The following MGAT4C variants were observed in gnomAD, a reference collection of about 807,000 sequenced individuals.
MGAT4C encodes the protein MGAT4 family member C.
Under a neutral mutation model 40.1 loss-of-function variants are expected in MGAT4C, and 19 were observed. The observed-to-expected ratio is 0.47, with a 90% CI of 0.33 to 0.70. MGAT4C has a LOEUF of 0.70. Ranked by LOEUF, MGAT4C falls within the 30% of genes least tolerant of loss-of-function variation. MGAT4C has a pLI of 0.02. For synonymous variants in MGAT4C, 181 were observed against 187.1 expected, an observed-to-expected ratio of 0.97 and a Z score of 0.27; for missense variants, 491 against 563.2, an observed-to-expected ratio of 0.87 and a Z score of 1.30.
At chr12:86,641,588 A>G in intron 2 of MGAT4C, among the ~76,000 whole-genome samples, 1 of 151,864 alleles carries the variant, frequency 6.6e-6, no homozygotes, top group Non-Finnish European at 1.5e-5. Context: ...CCCTGATAAG[A>G]ATGAATGTGG....
intron 1 of MGAT4C, among the ~76,000 whole-genome samples, chr12:86,770,153 T>C (rs1313354522): frequency 6.6e-6 from 1 of 152,092 alleles, no homozygotes; most frequent in Non-Finnish European, 1.5e-5. Context: ...ACTATTTTTT[T>C]TCATAGAACG....
At chr12:86,828,521 T>C (rs1952853231) in intron 1 of MGAT4C, among the ~76,000 whole-genome samples, 2 of 151,540 alleles carry the variant, frequency 1.3e-5, no homozygotes, top group Middle Eastern at 3.4e-3. Context: ...CATTAGTTGG[T>C]TTTGAAACAC....
At chr12:86,489,450 C>A (rs559697338) in intron 2 of MGAT4C, among the ~76,000 whole-genome samples, 1 of 152,298 alleles carries the variant, frequency 6.6e-6, no homozygotes, top group African/African-American at 2.4e-5. Context: ...GTCACACTAG[C>A]CCTTTCCTCT....
chr12:86,555,705 G>A (rs2136401980), intron 2 of MGAT4C, among the ~76,000 whole-genome samples: 1 of 152,300 alleles, frequency 6.6e-6, no homozygotes, highest in South Asian at 2.1e-4. Flanking sequence ...CATCACAGCT[G>A]TAAATCATAT....
chr12:86,434,102 T>C (rs1322613607), intron 3 of MGAT4C, among the ~76,000 whole-genome samples: 1 of 152,014 alleles, frequency 6.6e-6, no homozygotes, highest in East Asian at 1.9e-4. Context: ...CTGAAAATGA[T>C]TGTATTTAAA....
intron 2 of MGAT4C, among the ~76,000 whole-genome samples, chr12:86,710,359 C>T (rs1950534893): frequency 6.6e-6 from 1 of 152,178 alleles, no homozygotes; most frequent in African/African-American, 2.4e-5. Context: ...GGTTCCACTT[C>T]CAGGGATATG....
chr12:86,683,305 A>G (rs1031749504), intron 2 of MGAT4C, among the ~76,000 whole-genome samples: 1 of 152,170 alleles, frequency 6.6e-6, no homozygotes, highest in African/African-American at 2.4e-5. Flanking sequence ...TCTATAATCT[A>G]TCTTTTTATC....
chr12:86,181,704 G>A (rs540743452), intron 1 of MGAT4C, among the ~76,000 whole-genome samples: 13 of 152,062 alleles, frequency 8.5e-5, no homozygotes, highest in East Asian at 7.7e-4. Flanking sequence ...CAAAGAAATC[G>A]ATTGTGGAAT....
chr12:85,999,040 C>G (rs1886974934), intron 2 of MGAT4C, among the ~76,000 whole-genome samples: 1 of 152,110 alleles, frequency 6.6e-6, no homozygotes, highest in African/African-American at 2.4e-5. Context: ...GGAGTCCTCA[C>G]AAACATGGTG....
intron 1 of MGAT4C, among the ~76,000 whole-genome samples, chr12:86,110,683 TA>T (rs1024080317): frequency 1.3e-4 from 19 of 151,812 alleles, no homozygotes; most frequent in Admixed American, 1.1e-3. Context: ...TTTGTGTTTT[TA>T]ATGTAAAGTA....
At chr12:86,666,009 T>A (rs978654496) in intron 2 of MGAT4C, among the ~76,000 whole-genome samples, 29 of 152,314 alleles carry the variant, frequency 1.9e-4, no homozygotes, top group Admixed American at 4.6e-4. Flanking sequence ...CTACATTTTT[T>A]AAAGGCATAT....
intron 2 of MGAT4C, among the ~76,000 whole-genome samples, chr12:86,581,348 C>G (rs1960771244): frequency 6.6e-6 from 1 of 151,486 alleles, no homozygotes; most frequent in Non-Finnish European, 1.5e-5. Flanking sequence ...CAGCAGCTCA[C>G]TGGCAAGCCA....
At chr12:86,374,862 G>T (rs1381395104) in intron 3 of MGAT4C, among the ~76,000 whole-genome samples, 1 of 152,084 alleles carries the variant, frequency 6.6e-6, no homozygotes, top group African/African-American at 2.4e-5. Context: ...AACCAGTAAG[G>T]CCTGCTTTGC....
intron 2 of MGAT4C, among the ~76,000 whole-genome samples, chr12:86,476,765 A>C (rs562567464): frequency 6.6e-6 from 1 of 152,280 alleles, no homozygotes; most frequent in African/African-American, 2.4e-5. Flanking sequence ...GAAAAAAATT[A>C]TGTCATTTGC....
intron 1 of MGAT4C, among the ~76,000 whole-genome samples, chr12:86,091,608 C>T (rs115661512): frequency 6.6e-6 from 1 of 152,122 alleles, no homozygotes; most frequent in East Asian, 1.9e-4. Flanking sequence ...AAACAGCAAA[C>T]TCAGAGAAAT....
chr12:86,719,065 C>A (rs535435362), intron 2 of MGAT4C, among the ~76,000 whole-genome samples: 3 of 152,168 alleles, frequency 2.0e-5, no homozygotes, highest in Non-Finnish European at 4.4e-5. Context: ...TTCTGTTCTT[C>A]AAGTTAGTCA....
At chr12:86,642,061 G>A (rs1180984134) in intron 2 of MGAT4C, among the ~76,000 whole-genome samples, 1 of 151,762 alleles carries the variant, frequency 6.6e-6, no homozygotes, top group African/African-American at 2.4e-5. Flanking sequence ...GAACGAAATA[G>A]GAATGACAAA....
chr12:86,490,751 G>C (rs1479170626), intron 2 of MGAT4C, among the ~76,000 whole-genome samples: 1 of 152,022 alleles, frequency 6.6e-6, no homozygotes, highest in African/African-American at 2.4e-5. Context: ...AAAAAAGGCA[G>C]GGTTTGCAAT....
intron 2 of MGAT4C, among the ~76,000 whole-genome samples, chr12:86,500,279 A>G (rs1376325109): frequency 6.6e-6 from 1 of 151,868 alleles, no homozygotes; most frequent in Non-Finnish European, 1.5e-5. Context: ...AAAGTAGAAT[A>G]AAGTAAATAA....
Sources: allele counts gnomAD v4.1 joint callset (sites outside exome capture counted in the v4.1 genomes callset), GRCh38; gene constraint gnomAD v4.1.1; transcripts MANE v1.5; gene names NCBI Gene and HGNC (gene_info 2026-07-23, HGNC 2026-07-21).